The following ACSM1 variants were observed in gnomAD, a reference collection of about 807,000 sequenced individuals.
ACSM1 encodes the protein acyl-coenzyme A synthetase ACSM1, mitochondrial.
ACSM1 carries 79 observed loss-of-function variants against 75.8 expected under a neutral mutation model. The observed-to-expected ratio is 1.04, with a 90% CI of 0.87 to 1.26. The LOEUF (loss-of-function observed/expected upper bound fraction) is 1.26. Ranked by LOEUF, ACSM1 falls within the 50% of genes most tolerant of loss-of-function variation. The pLI is 0.00. For missense variants in ACSM1, 676 were observed against 720.1 expected, an observed-to-expected ratio of 0.94 and a Z score of 0.70; for synonymous variants, 279 against 265.8, an observed-to-expected ratio of 1.05 and a Z score of -0.48.
intron 5 of ACSM1, among the ~76,000 whole-genome samples, chr16:20,670,781 A>C (rs533547431): frequency 4.6e-5 from 7 of 151,978 alleles, no homozygotes; most frequent in Non-Finnish European, 8.8e-5. Context: ...CCCTTCTCTC[A>C]CCTCCATTCC....
At chr16:20,637,619 G>A (rs914164670) in intron 8 of ACSM1, among the ~76,000 whole-genome samples, 168 bp from the exon 9 acceptor site, 1 of 152,186 alleles carries the variant, frequency 6.6e-6, no homozygotes, top group Admixed American at 6.5e-5. Flanking sequence ...CTAGGCTCAA[G>A]GTGTTGACCC....
At chr16:20,662,822 C>G (rs990415690) in intron 6 of ACSM1, among the ~76,000 whole-genome samples, 3 of 152,100 alleles carry the variant, frequency 2.0e-5, no homozygotes, top group African/African-American at 7.2e-5. Context: ...CCTACTCTCA[C>G]CCCTGGCCCA....
intron 3 of ACSM1, among the ~76,000 whole-genome samples, chr16:20,683,971 C>T (rs940506054): frequency 2.0e-5 from 3 of 152,066 alleles, no homozygotes; most frequent in Non-Finnish European, 4.4e-5. Context: ...TTCACATGAT[C>T]TGGCTGAATG....
chr16:20,685,139 C>T lies in ACSM1; in HGVS notation c.403+54G>A, dbSNP rs1357275798. Reference sequence around the variant, plus strand: ...TGCACAGCACCTAATATCTCAGGACCCATTGGTTCTAGAACAGCCCCGAGG... The same window carrying T: ...TGCACAGCACCTAATATCTCAGGACTCATTGGTTCTAGAACAGCCCCGAGG... On this transcript the variant is annotated intron_variant, in intron 3 of 13. Transcript: ENST00000520010. 3.3e-5 allele frequency: 53 copies of T among 1,585,620 alleles called. No homozygotes were observed. In the Admixed American group the frequency reaches 8.8e-4, roughly 26 times the overall value.
At chr16:20,629,847 C>G (rs2017227614) in intron 10 of ACSM1, among the ~76,000 whole-genome samples, 1 of 152,030 alleles carries the variant, frequency 6.6e-6, no homozygotes, top group African/African-American at 2.4e-5. Context: ...CAAAAATTAG[C>G]TGGGTGTGGT....
At chr16:20,673,564 C>T (rs1437879216) in intron 4 of ACSM1, among the ~76,000 whole-genome samples, 1 of 152,118 alleles carries the variant, frequency 6.6e-6, no homozygotes, top group Admixed American at 6.5e-5. Flanking sequence ...TGACTGAAGG[C>T]TTACAGAATC....
At chr16:20,663,633 C>T (rs1057195688) in intron 6 of ACSM1, among the ~76,000 whole-genome samples, 1 of 152,124 alleles carries the variant, frequency 6.6e-6, no homozygotes, top group Non-Finnish European at 1.5e-5. Context: ...CTATGTTTGA[C>T]TATGTGCATG....
At chr16:20,685,059 T>A in intron 3 of ACSM1, 134 bp downstream of exon 3, 1 of 869,918 alleles carries the variant, frequency 1.1e-6, no homozygotes, top group East Asian at 2.6e-5. Context: ...TGCTTTGTGG[T>A]CCCAGCACAG....
intron 3 of ACSM1, among the ~76,000 whole-genome samples, 191 bp from the exon 4 acceptor site, chr16:20,682,654 T>A (rs2079471436): frequency 6.6e-6 from 1 of 152,204 alleles, no homozygotes; most frequent in Non-Finnish European, 1.5e-5. Flanking sequence ...AGAATCTGCA[T>A]CTTAACAAGT....
In ACSM1 at chr16:20,666,458, T is replaced by C. The variant is rs1187884278; in HGVS notation, c.912+3369A>G. Among the ~76,000 whole-genome samples the C allele has an allele frequency of 2.0e-5, 3 of 152,090 alleles. No homozygotes were observed. In the East Asian group the frequency reaches 5.8e-4, roughly 29 times the overall value. On this transcript the variant is annotated intron_variant, in intron 6 of 13. Coordinates refer to ENST00000520010, the MANE Select transcript of ACSM1 (RefSeq NM_001318890.3). ...GGCTACAAAGAAAACTACAAAACAC[T>C]GCTGAAAGAAATCAGAGATGACACA... is the stretch of plus-strand genomic sequence containing the variant.
Position 20,648,586 on chromosome 16 carries a change from AAC to A in ACSM1, c.993-8004_993-8003del, listed in dbSNP as rs2018479686. On this transcript the variant is annotated intron_variant, in intron 7 of 13. Coordinates refer to ENST00000520010, the MANE Select transcript of ACSM1 (RefSeq NM_001318890.3). The surrounding 1 kb of genome is among the most constrained non-coding windows in gnomAD (Gnocchi z 4.2). ...CAAAACTAACCAGCATTAACATTAA[AAC>A]AGAGACCTTAAGATAATTTATTATC... Among the ~76,000 whole-genome samples, 1 of 152,158 alleles carries A rather than the reference AAC, an allele frequency of 6.6e-6. No homozygotes were observed. The highest frequency in any genetic ancestry group is 1.5e-5 in the Non-Finnish European group (1 of 68,028).
chr16:20,671,442 C>CAA, intron 5 of ACSM1, 89 bp downstream of exon 5: 3 of 141,932 alleles, frequency 2.1e-5, no homozygotes, highest in Middle Eastern at 2.8e-3. Context: ...TTTCCCAAGA[C>CAA]ACACACACAC....
At chr16:20,649,032 C>T (rs528621633) in intron 7 of ACSM1, among the ~76,000 whole-genome samples, 55 of 152,148 alleles carry the variant, frequency 3.6e-4, no homozygotes, top group Non-Finnish European at 6.6e-4. Context: ...ATTCTGAAGG[C>T]TCCCATGTAT....
chr16:20,625,016 C>T (rs56298504), intron 12 of ACSM1, among the ~76,000 whole-genome samples: 18,385 of 152,196 alleles, frequency 0.12, 1,618 homozygotes, highest in East Asian at 0.49. Flanking sequence ...CCACCGTGCC[C>T]GGCCTAATAA....
chr16:20,657,608 G>GT (rs201038837), intron 7 of ACSM1, among the ~76,000 whole-genome samples: 21,900 of 147,856 alleles, frequency 0.15, 3,357 homozygotes, highest in African/African-American at 0.4. Context: ...TGTGCCCAAT[G>GT]TTTTTTTTTT....
intron 2 of ACSM1, among the ~76,000 whole-genome samples, chr16:20,687,960 C>T (rs1316682338): frequency 6.6e-6 from 1 of 151,896 alleles, no homozygotes; most frequent in Non-Finnish European, 1.5e-5. Context: ...TTGCATGCAC[C>T]TGTAATCCCA....
chr16:20,692,693 TC>T (rs2079665480), intron 1 of ACSM1, among the ~76,000 whole-genome samples: 1 of 152,344 alleles, frequency 6.6e-6, no homozygotes, highest in Admixed American at 6.5e-5. Flanking sequence ...CAGGGCAATT[TC>T]AAGGTATGGC....
chr16:20,696,478 T>A (rs1053713790), intron 1 of ACSM1, among the ~76,000 whole-genome samples: 3 of 152,262 alleles, frequency 2.0e-5, no homozygotes, highest in Admixed American at 6.5e-5. Context: ...GAAAAGCCAG[T>A]GTGCCCACAA....
intron 6 of ACSM1, among the ~76,000 whole-genome samples, chr16:20,662,426 G>A (rs1420524133): frequency 2.6e-5 from 4 of 152,272 alleles, no homozygotes; most frequent in South Asian, 4.1e-4. Flanking sequence ...TTAAATTTAG[G>A]AAGATAAGGT....
Sources: allele counts gnomAD v4.1 joint callset (sites outside exome capture counted in the v4.1 genomes callset), GRCh38; gene constraint gnomAD v4.1.1; non-coding constraint Gnocchi (gnomAD v3.1); transcripts MANE v1.5; gene names NCBI Gene and HGNC (gene_info 2026-07-23, HGNC 2026-07-21).